LY6S: variants seen among roughly 807,000 people sequenced by gnomAD.
LY6S encodes the protein lymphocyte antigen 6S.
At chr8:143,042,718 G>A in the LY6S span, among the ~76,000 whole-genome samples, 1 of 152,178 alleles carries the variant, frequency 6.6e-6, no homozygotes, top group Non-Finnish European at 1.5e-5. Flanking sequence ...TTGGATTCAG[G>A]TAGCCCAGAG....
the LY6S span, among the ~76,000 whole-genome samples, chr8:143,048,374 C>T: frequency 1.3e-5 from 2 of 152,288 alleles, no homozygotes; most frequent in Middle Eastern, 6.8e-3. Context: ...TCGTTTCAGA[C>T]ACAGCCCGTT....
chr8:143,060,518 T>G, the LY6S span, among the ~76,000 whole-genome samples: 2 of 152,220 alleles, frequency 1.3e-5, no homozygotes, highest in African/African-American at 2.4e-5. Context: ...TCTCTCCGCC[T>G]CGGCTACCAA....
the LY6S span, among the ~76,000 whole-genome samples, chr8:143,049,650 C>T: frequency 6.6e-6 from 1 of 152,226 alleles, no homozygotes; most frequent in African/African-American, 2.4e-5. Context: ...CTTCCGACTC[C>T]CCAGCATCCC....
At chr8:143,074,752 A>G in the LY6S span, among the ~76,000 whole-genome samples, 1 of 152,020 alleles carries the variant, frequency 6.6e-6, no homozygotes, top group Non-Finnish European at 1.5e-5. Context: ...TGAAAATCAC[A>G]CTCTCCTGTA....
chr8:143,065,601 C>G, the LY6S span, among the ~76,000 whole-genome samples: 1 of 151,576 alleles, frequency 6.6e-6, no homozygotes, highest in African/African-American at 2.4e-5. Flanking sequence ...CAAAGTGCTT[C>G]CAATCTGACA....
At chr8:143,058,774 C>T in the LY6S span, among the ~76,000 whole-genome samples, 16 of 152,318 alleles carry the variant, frequency 1.1e-4, no homozygotes, top group Middle Eastern at 3.4e-3. Flanking sequence ...CGCTAGACCT[C>T]GGTCCGCCTG....
At chr8:143,075,256 T>C in the LY6S span, among the ~76,000 whole-genome samples, 13 of 152,316 alleles carry the variant, frequency 8.5e-5, no homozygotes, top group African/African-American at 3.1e-4. The surrounding 1 kb of genome is among the most constrained non-coding windows in gnomAD (Gnocchi z 4.1). Flanking sequence ...TCTCTTTTCT[T>C]CAGTTGAGTT....
chr8:143,071,414 G>C, the LY6S span, among the ~76,000 whole-genome samples: 1 of 152,158 alleles, frequency 6.6e-6, no homozygotes, highest in African/African-American at 2.4e-5. Context: ...TTATGGATTT[G>C]TCAAAACCCG....
At chr8:143,070,430 ATAT>A in the LY6S span, among the ~76,000 whole-genome samples, 6 of 98,962 alleles carry the variant, frequency 6.1e-5, no homozygotes, top group African/African-American at 3.5e-4. Context: ...ATTTATATAT[ATAT>A]TATATATATA....
chr8:143,070,380 T>A, the LY6S span, among the ~76,000 whole-genome samples: 4 of 101,056 alleles, frequency 4.0e-5, no homozygotes, highest in African/African-American at 1.2e-4. Flanking sequence ...TATATATAAA[T>A]ATATATATAT....
At chr8:143,051,791 G>C in the LY6S span, among the ~76,000 whole-genome samples, 1 of 151,740 alleles carries the variant, frequency 6.6e-6, no homozygotes, top group South Asian at 2.1e-4. Flanking sequence ...GGCCTACATG[G>C]AGAAACCCCG....
chr8:143,063,812 C>A, the LY6S span, among the ~76,000 whole-genome samples: 2 of 152,314 alleles, frequency 1.3e-5, no homozygotes, highest in African/African-American at 4.8e-5. Context: ...CAGCCAGTAG[C>A]CTCCCTTCTG....
the LY6S span, among the ~76,000 whole-genome samples, chr8:143,041,726 G>A: frequency 6.6e-6 from 1 of 152,094 alleles, no homozygotes; most frequent in Non-Finnish European, 1.5e-5. Context: ...TATTAATTTG[G>A]GGAACTAATA....
the LY6S span, among the ~76,000 whole-genome samples, chr8:143,067,506 G>T: frequency 7.9e-5 from 12 of 152,226 alleles, no homozygotes; most frequent in South Asian, 2.1e-4. Context: ...TTTCTCGTCA[G>T]GTGGAGATAA....
At chr8:143,043,229 G>A in the LY6S span, 1 of 1,366,944 alleles carries the variant, frequency 7.3e-7, no homozygotes, top group Non-Finnish European at 9.8e-7. Context: ...GGTCTCCCTT[G>A]CAGCAAGAGA....
At chr8:143,068,509 G>A in the LY6S span, among the ~76,000 whole-genome samples, 5,776 of 151,958 alleles carry the variant, frequency 0.038, 304 homozygotes, top group East Asian at 0.15. Context: ...GAGGCCTCCC[G>A]AGAAGCCAAG....
the LY6S span, chr8:143,049,097 C>A: frequency 3.9e-6 from 2 of 512,858 alleles, no homozygotes; most frequent in Non-Finnish European, 8.0e-6. Flanking sequence ...GACCTCCTAG[C>A]GCCCTGATTT....
the LY6S span, among the ~76,000 whole-genome samples, chr8:143,063,169 C>A: frequency 7.9e-5 from 12 of 152,178 alleles, no homozygotes; most frequent in Non-Finnish European, 1.8e-4. Context: ...TACTGAGAGG[C>A]ACCCCAGTAA....
the LY6S span, among the ~76,000 whole-genome samples, chr8:143,069,500 C>T: frequency 1.3e-5 from 2 of 152,160 alleles, no homozygotes; most frequent in Admixed American, 1.3e-4. Context: ...GGGACCCAGC[C>T]GCAAAATTCC....
Sources: allele counts gnomAD v4.1 joint callset (sites outside exome capture counted in the v4.1 genomes callset), GRCh38; gene constraint gnomAD v4.1.1; non-coding constraint Gnocchi (gnomAD v3.1); transcripts MANE v1.5; gene names NCBI Gene and HGNC (gene_info 2026-07-23, HGNC 2026-07-21).